PCDH15: variants seen among roughly 807,000 people sequenced by gnomAD.
PCDH15 encodes the protein protocadherin related 15.
A neutral mutation model predicts 178.5 loss-of-function variants in PCDH15; 129 were observed. The ratio of observed to expected loss-of-function variants is 0.72; its 90% CI spans 0.63 to 0.84. The LOEUF is 0.84. PCDH15 is among the 40% of genes least tolerant of loss of function. PCDH15 has a pLI of 0.00. For synonymous variants in PCDH15, 800 were observed against 732.0 expected, an observed-to-expected ratio of 1.09 and a Z score of -1.50; for missense variants, 2,230 against 2,099.9, an observed-to-expected ratio of 1.06 and a Z score of -1.21.
chr10:54,279,405 G>A (rs1002513889), intron 8 of PCDH15, among the ~76,000 whole-genome samples: 1 of 151,550 alleles, frequency 6.6e-6, no homozygotes, highest in Non-Finnish European at 1.5e-5. Flanking sequence ...CAAATATGTA[G>A]TTATGCTATA....
intron 2 of PCDH15, among the ~76,000 whole-genome samples, chr10:55,592,182 A>G (rs1352723356): frequency 6.6e-6 from 1 of 152,170 alleles, no homozygotes; most frequent in Non-Finnish European, 1.5e-5. Context: ...TGGCAAGTCC[A>G]ATCTCTATTC....
chr10:54,565,656 G>A (rs182226543), intron 2 of PCDH15, among the ~76,000 whole-genome samples: 4 of 152,164 alleles, frequency 2.6e-5, no homozygotes, highest in Admixed American at 1.3e-4. Flanking sequence ...CCTTGTTTGG[G>A]GTGGTATTTA....
chr10:54,368,205 C>T (rs1259545388), intron 5 of PCDH15, among the ~76,000 whole-genome samples: 1 of 151,814 alleles, frequency 6.6e-6, no homozygotes, highest in African/African-American at 2.4e-5. Flanking sequence ...GTTGAAATAA[C>T]TAAAAAATAT....
At chr10:54,810,832 T>C (rs1341155197) in intron 3 of PCDH15, among the ~76,000 whole-genome samples, 2 of 152,248 alleles carry the variant, frequency 1.3e-5, no homozygotes, top group East Asian at 3.9e-4. Flanking sequence ...TTTCAAAACA[T>C]AGGCTAATTT....
chr10:54,726,424 GTGTGTGT>G (rs1566051686), intron 1 of PCDH15, among the ~76,000 whole-genome samples: 15 of 94,392 alleles, frequency 1.6e-4, no homozygotes, highest in African/African-American at 5.3e-4. Flanking sequence ...TCAGGGGTGT[GTGTGTGT>G]GTGTGTGTGT....
intron 1 of PCDH15, among the ~76,000 whole-genome samples, chr10:54,724,541 T>TA (rs955251937): frequency 3.0e-4 from 46 of 151,430 alleles, no homozygotes; most frequent in African/African-American, 1.1e-3. Flanking sequence ...AAATTAAAAT[T>TA]AAAAAAAGAA....
chr10:54,824,302 G>C (rs1393054340), intron 3 of PCDH15, among the ~76,000 whole-genome samples: 1 of 152,078 alleles, frequency 6.6e-6, no homozygotes, highest in Non-Finnish European at 1.5e-5. Flanking sequence ...TAATGAGCAG[G>C]AAGCCAGAAG....
Position 54,269,606 on chromosome 10 carries a change from TAACTC to T in PCDH15, c.877-32680_877-32676del, listed in dbSNP as rs374038315. ...GGTATGCAGGTATACTCTCAGGTGT[TAACTC>T]AGGCAAAGAGACAAATTCAATTTTA... On this transcript the variant is annotated intron_variant, in intron 8 of 37. Coordinates refer to ENST00000644397, the MANE Select transcript of PCDH15 (RefSeq NM_001384140.1). Among the ~76,000 whole-genome samples the T allele has an allele frequency of 9.8e-3, 1,487 of 152,084 alleles. 20 individuals are homozygous for T. The highest frequency in any genetic ancestry group is 0.062 in the South Asian group (300 of 4,818).
intron 7 of PCDH15, among the ~76,000 whole-genome samples, chr10:54,318,638 T>C (rs2061417244): frequency 6.6e-6 from 1 of 152,194 alleles, no homozygotes; most frequent in Admixed American, 6.6e-5. Context: ...ATTTTGGCTG[T>C]GACAAGTTCT....
intron 21 of PCDH15, among the ~76,000 whole-genome samples, chr10:53,966,360 TAA>T (rs2089017997): frequency 1.3e-5 from 2 of 152,168 alleles, no homozygotes. Context: ...TCAAAACATT[TAA>T]AAGTTTTTTT....
chr10:55,270,957 T>C (rs1842428689), intron 1 of PCDH15, among the ~76,000 whole-genome samples: 1 of 152,014 alleles, frequency 6.6e-6, no homozygotes, highest in Admixed American at 6.6e-5. Flanking sequence ...TGTGCAGCCA[T>C]AAAAAAGAAT....
intron 8 of PCDH15, among the ~76,000 whole-genome samples, chr10:54,241,925 G>C (rs998102966): frequency 2.5e-4 from 36 of 144,658 alleles, no homozygotes; most frequent in African/African-American, 9.0e-4. Flanking sequence ...ATTCTATTTT[G>C]AATACATGCT....
intron 3 of PCDH15, among the ~76,000 whole-genome samples, chr10:54,516,259 T>A (rs1479515660): frequency 6.6e-6 from 1 of 151,974 alleles, no homozygotes; most frequent in Non-Finnish European, 1.5e-5. Context: ...TCAACTACGC[T>A]GAGCTACAGG....
At chr10:54,509,916 G>A (rs2081495111) in intron 3 of PCDH15, among the ~76,000 whole-genome samples, 1 of 152,128 alleles carries the variant, frequency 6.6e-6, no homozygotes, top group African/African-American at 2.4e-5. Flanking sequence ...TCTTCCACAT[G>A]CCGATCATGC....
chr10:55,319,653 A>G (rs1843834024), upstream of PCDH15: 1 of 152,100 alleles, frequency 6.6e-6, no homozygotes. Flanking sequence ...GGCTCCCAAC[A>G]ACTCCTTGAA....
At chr10:55,552,306 A>G (rs1842017340) in intron 2 of PCDH15, among the ~76,000 whole-genome samples, 1 of 151,542 alleles carries the variant, frequency 6.6e-6, no homozygotes, top group Non-Finnish European at 1.5e-5. Context: ...CATATTCTTT[A>G]TTATTGTGAA....
intron 18 of PCDH15, among the ~76,000 whole-genome samples, chr10:54,028,933 TATA>T (rs2093208700): frequency 7.4e-6 from 1 of 135,396 alleles, no homozygotes; most frequent in Non-Finnish European, 1.6e-5. Flanking sequence ...AAACTTAAAG[TATA>T]ATAATAATAA....
At chr10:54,474,735 C>T (rs1346974688) in intron 3 of PCDH15, among the ~76,000 whole-genome samples, 1 of 151,888 alleles carries the variant, frequency 6.6e-6, no homozygotes, top group African/African-American at 2.4e-5. Context: ...TCTGAAGCTA[C>T]AAATGTCACA....
intron 2 of PCDH15, among the ~76,000 whole-genome samples, chr10:55,047,270 C>T (rs1841032457): frequency 2.0e-5 from 3 of 151,714 alleles, no homozygotes; most frequent in South Asian, 2.1e-4. Flanking sequence ...GACATAAATA[C>T]AAAAACAATT....
Sources: gnomAD v4.1 joint callset for allele counts (sites outside exome capture counted in the v4.1 genomes callset) on GRCh38, gnomAD v4.1.1 for gene constraint, MANE v1.5 for transcripts, NCBI Gene and HGNC (gene_info 2026-07-23, HGNC 2026-07-21) for gene names.